The following TAFA1 variants were observed in gnomAD, a reference collection of about 807,000 sequenced individuals.
TAFA1 encodes TAFA chemokine like family member 1.
A neutral mutation model predicts 18.5 loss-of-function variants in TAFA1; 4 were observed. The observed-to-expected ratio is 0.22, with a 90% confidence interval of 0.11 to 0.49. TAFA1 has a LOEUF of 0.49. Among genes scored for constraint, TAFA1 ranks in the 20% least tolerant of loss-of-function variants. The probability of loss-of-function intolerance (pLI) is 0.98; values close to 1 mark genes in which losing one functional copy is unlikely to be tolerated. For synonymous variants in TAFA1, 56 were observed against 55.2 expected (o/e 1.01, Z -0.06); for missense variants, 147 against 169.0 (o/e 0.87, Z 0.72).
intron 3 of TAFA1, among the ~76,000 whole-genome samples, chr3:68,505,705 A>G (rs1415349112): frequency 2.0e-5 from 3 of 152,070 alleles, no homozygotes; most frequent in African/African-American, 2.4e-5. Flanking sequence ...AGCCTGCTCA[A>G]CATCCTAGAA....
chr3:68,404,720 C>T (rs1031046083), intron 2 of TAFA1, among the ~76,000 whole-genome samples: 1 of 151,838 alleles, frequency 6.6e-6, no homozygotes, highest in Non-Finnish European at 1.5e-5. Flanking sequence ...TCGCTTGAAC[C>T]CAGGAGGCAG....
chr3:68,133,691 T>C lies in TAFA1; in HGVS notation c.118+126947T>C, dbSNP rs115591174. On this transcript the variant is annotated intron_variant, in intron 2 of 4. Coordinates refer to ENST00000478136, the MANE Select transcript of TAFA1 (RefSeq NM_213609.4). ...TTTGCCTCTTATTGGTGTATAGGAA[T>C]GCTTTTGGTTTTTGCACATTGATTT... Among the ~76,000 whole-genome samples the C allele has an allele frequency of 8.6e-3, 1,314 of 152,234 alleles. 15 individuals are homozygous for C. Among genetic ancestry groups the C allele is most frequent in the African/African-American group, 0.031 (1,267 of 41,504 alleles).
At chr3:68,510,826 G>A (rs1365018453) in intron 3 of TAFA1, among the ~76,000 whole-genome samples, 2 of 151,854 alleles carry the variant, frequency 1.3e-5, no homozygotes, top group Non-Finnish European at 1.5e-5. Flanking sequence ...AATGCAAGAA[G>A]GTGACAGGTT....
chr3:68,217,950 A>C (rs1230162898), intron 2 of TAFA1, among the ~76,000 whole-genome samples: 1 of 152,096 alleles, frequency 6.6e-6, no homozygotes, highest in African/African-American at 2.4e-5. Context: ...ATACCTTTAA[A>C]GGTTTAGAGG....
At chr3:68,439,408 CATACAT>C (rs1332529567) in intron 3 of TAFA1, among the ~76,000 whole-genome samples, 2 of 28,236 alleles carry the variant, frequency 7.1e-5, no homozygotes, top group Non-Finnish European at 1.2e-4. Flanking sequence ...AATATATATA[CATACAT>C]ATATATATAT....
chr3:68,424,510 G>A (rs970749747), intron 3 of TAFA1, among the ~76,000 whole-genome samples: 1 of 151,288 alleles, frequency 6.6e-6, no homozygotes, highest in Non-Finnish European at 1.5e-5. Flanking sequence ...TTTTTTTCAA[G>A]TGGCATTATA....
chr3:68,190,881 TG>T (rs2107012429), intron 2 of TAFA1, among the ~76,000 whole-genome samples: 1 of 151,918 alleles, frequency 6.6e-6, no homozygotes, highest in South Asian at 2.1e-4. Flanking sequence ...GACTAGAGTA[TG>T]AATTAAATAA....
At chr3:68,483,214 G>C (rs2072270324) in intron 3 of TAFA1, among the ~76,000 whole-genome samples, 1 of 152,138 alleles carries the variant, frequency 6.6e-6, no homozygotes, top group African/African-American at 2.4e-5. Context: ...TAAGGATCTT[G>C]CATAACTTTA....
At chr3:68,104,115 A>G (rs1194416586) in intron 2 of TAFA1, among the ~76,000 whole-genome samples, 1 of 152,138 alleles carries the variant, frequency 6.6e-6, no homozygotes, top group Non-Finnish European at 1.5e-5. Context: ...TGCTCTTATT[A>G]TAATAACTCT....
chr3:68,302,370 C>T (rs1041838104), intron 2 of TAFA1, among the ~76,000 whole-genome samples: 1 of 152,134 alleles, frequency 6.6e-6, no homozygotes, highest in Admixed American at 6.5e-5. Flanking sequence ...GCACTTCCCA[C>T]TCAGAGAATG....
intron 2 of TAFA1, among the ~76,000 whole-genome samples, chr3:68,338,982 C>A (rs1484609206): frequency 1.3e-5 from 2 of 152,112 alleles, no homozygotes; most frequent in African/African-American, 4.8e-5. Flanking sequence ...GTCTCATGGT[C>A]AATAACAAGA....
intron 3 of TAFA1, among the ~76,000 whole-genome samples, chr3:68,480,253 A>G (rs1026631072): frequency 6.6e-6 from 1 of 150,802 alleles, no homozygotes; most frequent in Non-Finnish European, 1.5e-5. Context: ...AAAAAAAAAA[A>G]TTAGCCAGGC....
upstream of TAFA1, among the ~76,000 whole-genome samples, chr3:68,003,208 A>T (rs1451499441): frequency 6.6e-6 from 1 of 152,256 alleles, no homozygotes; most frequent in Non-Finnish European, 1.5e-5. Context: ...GGCAAGACTG[A>T]CGAGTCTGAA....
Position 68,544,716 on chromosome 3 carries a change from A to C in TAFA1, c.*213A>C, listed in dbSNP as rs2073429035. 2.1e-6 allele frequency: 1 copy of C among 467,778 alleles called. No homozygotes were observed. The highest frequency in any genetic ancestry group is 3.8e-6 in the Non-Finnish European group (1 of 264,344). 29.0% of individuals were successfully genotyped at this position (467,778 alleles called of 1,614,324 possible). On this transcript the variant is annotated 3_prime_UTR_variant, in exon 5 of 5. Coordinates refer to ENST00000478136, the MANE Select transcript of TAFA1 (RefSeq NM_213609.4). The stretch of plus-strand genomic sequence containing the variant: ...AACACCATGGAAAGTGGGCTTAAAA[A>C]AGGGTTTTCTCAGTGAAATTTTTGG...
At chr3:68,092,327 G>C (rs767161421) in intron 2 of TAFA1, among the ~76,000 whole-genome samples, 3 of 152,018 alleles carry the variant, frequency 2.0e-5, no homozygotes, top group Non-Finnish European at 4.4e-5. Context: ...TACCTGAAGA[G>C]GAAAATAGCT....
intron 2 of TAFA1, among the ~76,000 whole-genome samples, chr3:68,058,837 C>T (rs889390258): frequency 1.3e-5 from 2 of 152,026 alleles, no homozygotes; most frequent in Non-Finnish European, 2.9e-5. Flanking sequence ...TCTATGGCTG[C>T]TGTATCTTTG....
chr3:68,334,714 C>T (rs553843394), intron 2 of TAFA1, among the ~76,000 whole-genome samples: 3 of 152,186 alleles, frequency 2.0e-5, no homozygotes, highest in South Asian at 4.2e-4. Context: ...TTTTGACACT[C>T]GTGCTATATG....
chr3:68,377,472 T>C (rs1008858511), intron 2 of TAFA1, among the ~76,000 whole-genome samples: 2 of 152,146 alleles, frequency 1.3e-5, no homozygotes, highest in African/African-American at 4.8e-5. Flanking sequence ...CACTTTTAAC[T>C]TGAGAGAGAT....
rs1222513545 is a variant in TAFA1 at position 68,370,466 on chromosome 3, GTGTGTGTATA to G, written c.119-46812_119-46803del. The stretch of plus-strand genomic sequence containing the variant: ...CATATGTATATATATGTGTGTGTGT[GTGTGTGTATA>G]TATATATATATATATATATATATAT... On this transcript the variant is annotated intron_variant, in intron 2 of 4. Coordinates refer to ENST00000478136, the MANE Select transcript of TAFA1 (RefSeq NM_213609.4). 8.3e-3 allele frequency among the ~76,000 whole-genome samples: 144 copies of G among 17,330 alleles called. 4 individuals carry two copies. The highest frequency in any genetic ancestry group is 0.012 in the Admixed American group (12 of 1,010). 11.4% of individuals were successfully genotyped at this position (17,330 alleles called of 152,430 possible). A position where few individuals can be genotyped will look rare whatever the true frequency, so the allele number is the denominator to read the frequency against.
Sources: gnomAD v4.1 joint callset for allele counts (sites outside exome capture counted in the v4.1 genomes callset) on GRCh38, gnomAD v4.1.1 for gene constraint, MANE v1.5 for transcripts, NCBI Gene and HGNC (gene_info 2026-07-23, HGNC 2026-07-21) for gene names.